TECRL: variants seen among roughly 807,000 people sequenced by gnomAD.
The protein encoded by TECRL is trans-2,3-enoyl-CoA reductase like.
Under a neutral mutation model 52.8 loss-of-function variants are expected in TECRL, and 63 were observed. The observed-to-expected ratio is 1.19, with a 90% confidence interval of 0.97 to 1.47. The LOEUF (loss-of-function observed/expected upper bound fraction) is 1.47, where lower values mean the gene tolerates loss of function less well. Among genes scored for constraint, TECRL ranks in the 40% most tolerant of loss-of-function variants. The probability of loss-of-function intolerance (pLI) is 0.00; values close to 1 mark genes in which losing one functional copy is unlikely to be tolerated. For synonymous variants in TECRL, 164 were observed against 141.9 expected (o/e 1.16, Z -1.10); for missense variants, 482 against 429.6 (o/e 1.12, Z -1.08).
chr4:64,329,691 G>A (rs749040706), intron 2 of TECRL, among the ~76,000 whole-genome samples: 2 of 151,630 alleles, frequency 1.3e-5, no homozygotes, highest in Non-Finnish European at 3.0e-5. Flanking sequence ...AATTAGCTCC[G>A]TGACTTTCTA....
chr4:64,373,072 T>C (rs1039946702), intron 2 of TECRL, among the ~76,000 whole-genome samples: 1 of 151,742 alleles, frequency 6.6e-6, no homozygotes, highest in African/African-American at 2.4e-5. Flanking sequence ...AATTGGCAAA[T>C]ACATTCTTTT....
At chr4:64,334,973 G>T (rs974803002) in intron 2 of TECRL, among the ~76,000 whole-genome samples, 3 of 152,208 alleles carry the variant, frequency 2.0e-5, no homozygotes, top group Non-Finnish European at 2.9e-5. Context: ...CGCTGTGCAA[G>T]TCTCCCAGAG....
chr4:64,348,269 A>G (rs546671267), intron 2 of TECRL, among the ~76,000 whole-genome samples: 6 of 152,304 alleles, frequency 3.9e-5, no homozygotes, highest in African/African-American at 1.4e-4. Flanking sequence ...AGAGAGAAAA[A>G]TAAAGCACAG....
At chr4:64,276,333 A>T (rs1303072206), downstream of TECRL, 1 of 151,960 alleles carries the variant, frequency 6.6e-6, no homozygotes, top group Admixed American at 6.6e-5. Context: ...TATTTATAGG[A>T]TGAGAGTGTT....
intron 3 of TECRL, among the ~76,000 whole-genome samples, chr4:64,325,022 T>C (rs141415757): frequency 4.3e-4 from 65 of 152,264 alleles, no homozygotes; most frequent in Middle Eastern, 6.8e-3. Flanking sequence ...GTTTTTATAA[T>C]GTGTGTGCAG....
intron 1 of TECRL, among the ~76,000 whole-genome samples, chr4:64,396,647 C>G (rs529446455): frequency 6.6e-6 from 1 of 152,184 alleles, no homozygotes; most frequent in East Asian, 1.9e-4. Flanking sequence ...TAAGGGACCT[C>G]TTTAATTTCC....
chr4:64,329,663 G>C (rs1050877291), intron 2 of TECRL, among the ~76,000 whole-genome samples: 2 of 151,698 alleles, frequency 1.3e-5, no homozygotes, highest in Non-Finnish European at 3.0e-5. Context: ...ACATAGCTGA[G>C]AGATGCTACT....
At chr4:64,319,655 T>C (rs1340772340) in intron 4 of TECRL, among the ~76,000 whole-genome samples, 3 of 151,868 alleles carry the variant, frequency 2.0e-5, no homozygotes, top group Admixed American at 6.6e-5. Flanking sequence ...CTAATATTCA[T>C]TGCAGCTTTA....
chr4:64,379,009 T>A (rs1315541415), intron 1 of TECRL, among the ~76,000 whole-genome samples: 1 of 152,018 alleles, frequency 6.6e-6, no homozygotes, highest in African/African-American at 2.4e-5. Context: ...ACAAAATGTT[T>A]CTTTTTATAT....
chr4:64,322,627 G>T, intron 4 of TECRL, 62 bp downstream of exon 4: 1 of 1,156,426 alleles, frequency 8.6e-7, no homozygotes, highest in Non-Finnish European at 1.2e-6. Context: ...GAATTAATCT[G>T]TCAATAAATT....
At chr4:64,382,244 TA>T (rs2109711250) in intron 1 of TECRL, among the ~76,000 whole-genome samples, 1 of 140,200 alleles carries the variant, frequency 7.1e-6, no homozygotes, top group East Asian at 2.0e-4. Context: ...TAGTATTATG[TA>T]TATATAATAT....
intron 2 of TECRL, 74 bp from the exon 3 acceptor site, chr4:64,328,630 G>A: frequency 7.8e-7 from 1 of 1,287,212 alleles, no homozygotes; most frequent in Non-Finnish European, 1.1e-6. Flanking sequence ...TGTTTCCATG[G>A]GAAGACCATT....
At chr4:64,306,606 C>T (rs190980544) in intron 6 of TECRL, among the ~76,000 whole-genome samples, 6 of 152,236 alleles carry the variant, frequency 3.9e-5, no homozygotes, top group Admixed American at 1.3e-4. Flanking sequence ...TAACCCAGAA[C>T]AATGTTGCTT....
chr4:64,317,629 T>G (rs1717599444), intron 4 of TECRL, among the ~76,000 whole-genome samples: 1 of 152,212 alleles, frequency 6.6e-6, no homozygotes, highest in Admixed American at 6.5e-5. Context: ...TGAATACTGT[T>G]GAAGTTAGTA....
chr4:64,286,124 A>G (rs1321655630), intron 9 of TECRL, among the ~76,000 whole-genome samples: 1 of 152,084 alleles, frequency 6.6e-6, no homozygotes, highest in Non-Finnish European at 1.5e-5. Flanking sequence ...GCAGACAAAA[A>G]CTAACCCCCC....
Position 64,389,219 on chromosome 4 carries a change from T to C in TECRL, c.235-13996A>G, listed in dbSNP as rs143028015. Among the ~76,000 whole-genome samples the C allele has an allele frequency of 3.3e-4, 50 of 152,060 alleles. 1 individual carries two copies. The highest frequency in any genetic ancestry group is 6.5e-4 in the Non-Finnish European group (44 of 67,846). On this transcript the variant is annotated intron_variant, in intron 1 of 11. Transcript: ENST00000381210. The stretch of plus-strand genomic sequence containing the variant: ...TGATCTTGCTGGGAAAGTTTTGAGT[T>C]TTTCACCATTAAAAATGACGTGACC...
At chr4:64,334,398 T>G (rs1369150537) in intron 2 of TECRL, among the ~76,000 whole-genome samples, 1 of 152,170 alleles carries the variant, frequency 6.6e-6, no homozygotes, top group African/African-American at 2.4e-5. Flanking sequence ...AATTAAGTGA[T>G]CAAGCCAGAA....
At chr4:64,305,863 A>G (rs1724306071) in intron 6 of TECRL, among the ~76,000 whole-genome samples, 1 of 152,062 alleles carries the variant, frequency 6.6e-6, no homozygotes, top group Admixed American at 6.6e-5. Context: ...CACATAAAAG[A>G]CTGAGGACTC....
intron 9 of TECRL, among the ~76,000 whole-genome samples, chr4:64,289,102 T>C (rs745691215): frequency 3.3e-5 from 5 of 152,180 alleles, no homozygotes; most frequent in Non-Finnish European, 5.9e-5. Context: ...CTACTTTTCA[T>C]TGGCAAAAAT....
Sources: allele counts gnomAD v4.1 joint callset (sites outside exome capture counted in the v4.1 genomes callset), GRCh38; gene constraint gnomAD v4.1.1; transcripts MANE v1.5; gene names NCBI Gene and HGNC (gene_info 2026-07-23, HGNC 2026-07-21).